DOCK3: variants seen among roughly 807,000 people sequenced by gnomAD.
The protein encoded by DOCK3 is dedicator of cytokinesis 3, also known as dedicator of cytokinesis protein 3.
A neutral mutation model predicts 265.6 loss-of-function variants in DOCK3; 60 were observed. The ratio of observed to expected loss-of-function variants is 0.23; its 90% CI spans 0.18 to 0.28. The LOEUF (loss-of-function observed/expected upper bound fraction) is 0.28, where lower values mean the gene tolerates loss of function less well. DOCK3 is among the 10% of genes least tolerant of loss of function. The pLI, the probability that DOCK3 is intolerant of heterozygous loss-of-function variation, is 1.00. For synonymous variants in DOCK3, 881 were observed against 938.0 expected, an observed-to-expected ratio of 0.94 and a Z score of 1.11; for missense variants, 1,981 against 2,594.3, an observed-to-expected ratio of 0.76 and a Z score of 5.14.
At position 51,336,342 on chromosome 3, in the gene DOCK3, T is replaced by G. The variant is rs563591441; in HGVS notation, c.3612-2017T>G. Among the ~76,000 whole-genome samples the G allele has an allele frequency of 1.6e-4, 24 of 150,870 alleles. 1 individual carries two copies. Among genetic ancestry groups the G allele is most frequent in the African/African-American group, 2.9e-4 (12 of 41,252 alleles). Reference sequence around the variant, plus strand: ...CAGAGCCCTAGAAGGGTTTTTTTGTTTTTTTTTTTGTGCCTGGAACAGACA... The same window carrying G: ...CAGAGCCCTAGAAGGGTTTTTTTGTGTTTTTTTTTGTGCCTGGAACAGACA... On this transcript the variant is annotated intron_variant, in intron 35 of 52. Coordinates refer to ENST00000266037, the MANE Select transcript of DOCK3 (RefSeq NM_004947.5).
chr3:50,844,456 A>G (rs1027057409), intron 3 of DOCK3, among the ~76,000 whole-genome samples: 1 of 152,078 alleles, frequency 6.6e-6, no homozygotes, highest in Non-Finnish European at 1.5e-5. Context: ...CTGGAGCTCA[A>G]TCGATGCTTC....
At chr3:50,857,918 C>T (rs1466711295) in intron 3 of DOCK3, among the ~76,000 whole-genome samples, 1 of 152,096 alleles carries the variant, frequency 6.6e-6, no homozygotes, top group East Asian at 1.9e-4. Context: ...TCCAGTAATC[C>T]CATTACTGGG....
At chr3:51,266,330 T>TTAAAG (rs1490038316) in intron 23 of DOCK3, among the ~76,000 whole-genome samples, 12 of 152,248 alleles carry the variant, frequency 7.9e-5, no homozygotes, top group Non-Finnish European at 1.5e-4. Context: ...AAAAACTACT[T>TTAAAG]TAAAGTTCAT....
intron 32 of DOCK3, among the ~76,000 whole-genome samples, chr3:51,327,077 A>T (rs569400795): frequency 6.6e-6 from 1 of 152,262 alleles, no homozygotes; most frequent in East Asian, 1.9e-4. Flanking sequence ...CGATTTTTTG[A>T]AATCCAGACT....
At chr3:50,862,470 T>C (rs1174119868) in intron 3 of DOCK3, among the ~76,000 whole-genome samples, 1 of 152,144 alleles carries the variant, frequency 6.6e-6, no homozygotes, top group Middle Eastern at 3.2e-3. Context: ...AGCACCTGCC[T>C]TGATGTGGGG....
At chr3:50,867,512 A>G (rs1282141358) in intron 3 of DOCK3, among the ~76,000 whole-genome samples, 1 of 152,072 alleles carries the variant, frequency 6.6e-6, no homozygotes, top group African/African-American at 2.4e-5. Flanking sequence ...TAGAGGAAAG[A>G]AAGGCTTTCA....
chr3:50,922,553 C>G (rs2050543604), intron 4 of DOCK3, among the ~76,000 whole-genome samples: 1 of 152,236 alleles, frequency 6.6e-6, no homozygotes, highest in Non-Finnish European at 1.5e-5. Context: ...CACTGTCTGA[C>G]AAGCCCCAGT....
chr3:51,293,433 G>A (rs1272600136), intron 27 of DOCK3, among the ~76,000 whole-genome samples: 1 of 152,074 alleles, frequency 6.6e-6, no homozygotes, highest in East Asian at 1.9e-4. Flanking sequence ...ATATACAGAA[G>A]AATGAAAGTA....
chr3:50,887,286 A>G lies in DOCK3; in HGVS notation c.163-2740A>G, dbSNP rs370964741. Among the ~76,000 whole-genome samples the G allele has an allele frequency of 7.9e-5, 12 of 151,364 alleles. No individual in the cohort carries two copies. The South Asian group carries it at 1.1e-3, about 13-fold the overall frequency. On this transcript the variant is annotated intron_variant, in intron 3 of 52. Transcript: ENST00000266037. ...AGAAGAAATGGATAAATTTCTGGACACATACACCCTCCCAAGACTAAACCA... is the reference window on the plus strand; with the variant it reads ...AGAAGAAATGGATAAATTTCTGGACGCATACACCCTCCCAAGACTAAACCA...
intron 38 of DOCK3, among the ~76,000 whole-genome samples, chr3:51,345,986 G>C (rs2085537502): frequency 6.6e-6 from 1 of 152,156 alleles, no homozygotes; most frequent in African/African-American, 2.4e-5. Flanking sequence ...CATTGTTGAA[G>C]CTGGATGATG....
chr3:51,270,694 C>T (rs2080447595), intron 23 of DOCK3, 121 bp from the exon 24 acceptor site: 1 of 1,046,388 alleles, frequency 9.6e-7, no homozygotes, highest in Admixed American at 2.8e-5. Flanking sequence ...GAGGAGCCCA[C>T]CGAAGGCAGA....
chr3:51,068,519 G>A (rs936980795), intron 6 of DOCK3, among the ~76,000 whole-genome samples: 286 of 118,044 alleles, frequency 2.4e-3, no homozygotes, highest in Middle Eastern at 9.6e-3. Context: ...CAGCCTGGGC[G>A]ACAGAGCGAG....
intron 2 of DOCK3, among the ~76,000 whole-genome samples, chr3:50,832,824 TGTATTCAG>T (rs2045269997): frequency 6.6e-6 from 1 of 152,136 alleles, no homozygotes; most frequent in Non-Finnish European, 1.5e-5. Flanking sequence ...CAGGGTCTCT[TGTATTCAG>T]GTTTGAGAGG....
intron 1 of DOCK3, among the ~76,000 whole-genome samples, chr3:50,761,133 T>A (rs1039600374): frequency 9.2e-5 from 14 of 152,078 alleles, no homozygotes; most frequent in African/African-American, 3.4e-4. Flanking sequence ...TTTATTTTTT[T>A]ATTTTTATAT....
chr3:51,088,202 A>C (rs1177925628), intron 7 of DOCK3, among the ~76,000 whole-genome samples: 1 of 152,190 alleles, frequency 6.6e-6, no homozygotes, highest in East Asian at 1.9e-4. Flanking sequence ...AAACAAAAAC[A>C]AAAACAAAAA....
At position 50,802,332 on chromosome 3, in the gene DOCK3, CTT is replaced by C. The variant is rs201417329; in HGVS notation, c.121+23575_121+23576del. On this transcript the variant is annotated intron_variant, in intron 2 of 52. Transcript: ENST00000266037. ...GATAAGGTTTTATTTGTTTTTCTCT[CTT>C]GTTTGTGTATGAGTCCTACCAATGA... Among the ~76,000 whole-genome samples the C allele has an allele frequency of 1.0e-3, 152 of 152,048 alleles. 2 individuals carry two copies. The East Asian group carries it at 0.028, about 28-fold the overall frequency.
chr3:51,335,163 G>A (rs1277808320), intron 35 of DOCK3, among the ~76,000 whole-genome samples: 1 of 151,482 alleles, frequency 6.6e-6, no homozygotes, highest in Non-Finnish European at 1.5e-5. Flanking sequence ...TTATCCATGA[G>A]GAGACAACTA....
intron 3 of DOCK3, among the ~76,000 whole-genome samples, chr3:50,883,061 G>T (rs935363161): frequency 4.6e-5 from 7 of 152,194 alleles, no homozygotes; most frequent in African/African-American, 1.7e-4. Context: ...GGTGGGAATT[G>T]AACCATGAGA....
intron 5 of DOCK3, among the ~76,000 whole-genome samples, chr3:51,027,296 A>G (rs1054122554): frequency 6.6e-6 from 1 of 151,106 alleles, no homozygotes; most frequent in Non-Finnish European, 1.5e-5. Flanking sequence ...ATTTTATTCA[A>G]CTGTGGTCCA....
Sources: allele counts gnomAD v4.1 joint callset (sites outside exome capture counted in the v4.1 genomes callset), GRCh38; gene constraint gnomAD v4.1.1; transcripts MANE v1.5; gene names NCBI Gene and HGNC (gene_info 2026-07-23, HGNC 2026-07-21).